The following TOGARAM2 variants were observed in gnomAD, a reference collection of about 807,000 sequenced individuals.
TOGARAM2 encodes the protein TOG array regulator of axonemal microtubules 2, also known as TOG array regulator of axonemal microtubules protein 2.
In TOGARAM2, 85 loss-of-function variants were observed where a neutral mutation model predicts 93.3. The ratio of observed to expected loss-of-function variants is 0.91; its 90% confidence interval spans 0.76 to 1.09. The LOEUF (loss-of-function observed/expected upper bound fraction) is 1.09, where lower values mean the gene tolerates loss of function less well. Ranked by LOEUF, TOGARAM2 falls within the 50% of genes least tolerant of loss-of-function variation. TOGARAM2 has a pLI of 0.00. For missense variants in TOGARAM2, 1,277 were observed against 1,334.5 expected (o/e 0.96, Z 0.67); for synonymous variants, 593 against 552.8 (o/e 1.07, Z -1.02).
chr2:28,959,915 C>T (rs35244094), intron 1 of TOGARAM2, among the ~76,000 whole-genome samples: 22,564 of 152,114 alleles, frequency 0.15, 2,145 homozygotes, highest in Middle Eastern at 0.23. Context: ...TAAACCTGGG[C>T]GGCACAGCCC....
intron 10 of TOGARAM2, 41 bp downstream of exon 10, chr2:29,017,997 C>T (rs375709159): frequency 2.0e-6 from 3 of 1,535,818 alleles, no homozygotes; most frequent in East Asian, 2.4e-5. Flanking sequence ...TCCCTCTGCC[C>T]ATGCTGCCTC....
intron 1 of TOGARAM2, among the ~76,000 whole-genome samples, chr2:28,985,193 G>A (rs1672409943): frequency 6.6e-6 from 1 of 152,142 alleles, no homozygotes. Flanking sequence ...CAGAGAGCTT[G>A]CTCTCTGTCT....
At chr2:28,995,184 G>C (rs912473153) in intron 2 of TOGARAM2, among the ~76,000 whole-genome samples, 1 of 152,224 alleles carries the variant, frequency 6.6e-6, no homozygotes, top group Non-Finnish European at 1.5e-5. Flanking sequence ...GGATGGGCAG[G>C]GGATATGGGC....
chr2:29,033,076 C>A, intron 15 of TOGARAM2, 25 bp downstream of exon 15: 1 of 1,595,592 alleles, frequency 6.3e-7, no homozygotes. Flanking sequence ...ATAAGTGGGT[C>A]ATGGCCTTTT....
At chr2:28,962,776 C>A (rs1671818968) in intron 1 of TOGARAM2, among the ~76,000 whole-genome samples, 1 of 125,708 alleles carries the variant, frequency 8.0e-6, no homozygotes, top group Non-Finnish European at 1.7e-5. Flanking sequence ...CCCTCCCCTC[C>A]CCTTCCCTCC....
intron 1 of TOGARAM2, among the ~76,000 whole-genome samples, chr2:28,970,045 T>G: frequency 6.6e-6 from 1 of 152,160 alleles, no homozygotes; most frequent in African/African-American, 2.4e-5. Flanking sequence ...ACTCTTGACC[T>G]CGTGATCCGC....
At chr2:29,027,645 G>A (rs1665490998) in intron 14 of TOGARAM2, among the ~76,000 whole-genome samples, 2 of 151,814 alleles carry the variant, frequency 1.3e-5, no homozygotes, top group African/African-American at 4.8e-5. Flanking sequence ...TGTAGTCCCA[G>A]CTACTGAGGG....
intron 18 of TOGARAM2, among the ~76,000 whole-genome samples, chr2:29,042,439 G>A (rs779509581): frequency 6.2e-4 from 95 of 152,204 alleles, no homozygotes; most frequent in Non-Finnish European, 1.0e-3. Context: ...GGCCAGAGGC[G>A]GGAGCCCCTG....
chr2:28,979,859 G>A (rs183267617), upstream of TOGARAM2, among the ~76,000 whole-genome samples: 7 of 152,290 alleles, frequency 4.6e-5, no homozygotes, highest in East Asian at 1.2e-3. Flanking sequence ...CTCAAGCAGC[G>A]ACATGCAGAT....
At position 29,017,249 on chromosome 2, in the gene TOGARAM2, A is replaced by G. The variant is rs1331469089; in HGVS notation, c.1140A>G (p.Thr380=). Residue 380 remains threonine (T), a synonymous_variant, in exon 9 of 20, where the codon ACA becomes ACG. Transcript: ENST00000379558. The part of the protein sequence containing the change: ...ELLRRLEEPR[T]GQELTSQCLG... ...TTCGGAGGCTGGAGGAGCCCAGGAC[A>G]GGGCAGGAGCTCACTTCCCAGTGCC... is the stretch of plus-strand genomic sequence containing the variant. The G allele has an allele frequency of 1.2e-6, 2 of 1,613,836 alleles. No individual in the cohort carries two copies. The highest frequency in any genetic ancestry group is 2.2e-5 in the South Asian group (2 of 91,066).
At chr2:28,996,407 C>G (rs890985206) in intron 2 of TOGARAM2, among the ~76,000 whole-genome samples, 146 of 152,308 alleles carry the variant, frequency 9.6e-4, no homozygotes, top group African/African-American at 3.5e-3. Context: ...CCCTTCTCTT[C>G]CCAGTCTCTG....
chr2:29,050,378 A>G (rs1341693796), intron 19 of TOGARAM2: 1 of 152,150 alleles, frequency 6.6e-6, no homozygotes, highest in Non-Finnish European at 1.5e-5. Flanking sequence ...TAAAACAAAA[A>G]ATAAAGCTCC....
intron 4 of TOGARAM2, among the ~76,000 whole-genome samples, chr2:29,001,627 G>A (rs1572667796): frequency 6.6e-6 from 1 of 151,832 alleles, no homozygotes; most frequent in Non-Finnish European, 1.5e-5. Flanking sequence ...CAGCCTCCCC[G>A]GTAGCTGGGA....
At chr2:29,007,692 G>A (rs1663967558) in intron 6 of TOGARAM2, among the ~76,000 whole-genome samples, 1 of 152,018 alleles carries the variant, frequency 6.6e-6, no homozygotes, top group Non-Finnish European at 1.5e-5. Context: ...TGAATGGCGG[G>A]TCCTTTGTGT....
chr2:29,014,505 G>A lies in TOGARAM2; in HGVS notation c.988G>A (p.Ala330Thr), dbSNP rs781127093. Reference protein sequence around the residue: ...PTLTAFSFDCAREACPPLKEE... With the variant: ...PTLTAFSFDCTREACPPLKEE... The stretch of plus-strand genomic sequence containing the variant: ...GCTGACAGCCTTCTCCTTTGACTGT[G>A]CCAGAGAAGCCTGCCCTCCGCTGAA... The change falls in exon 8 of 20, where the codon GCC (alanine) becomes ACC (threonine). Residue 330 changes from alanine (A) to threonine (T), a missense_variant. Ala to Thr is a moderately conservative substitution (Grantham distance 58, BLOSUM62 0). Coordinates refer to ENST00000379558, the MANE Select transcript of TOGARAM2 (RefSeq NM_199280.4). 9.5e-6 allele frequency: 15 copies of A among 1,580,322 alleles called. No homozygotes were observed. The highest frequency in any genetic ancestry group is 1.3e-5 in the African/African-American group (1 of 74,080).
At chr2:28,961,395 G>A (rs986912164) in intron 1 of TOGARAM2, among the ~76,000 whole-genome samples, 1 of 152,144 alleles carries the variant, frequency 6.6e-6, no homozygotes, top group African/African-American at 2.4e-5. Flanking sequence ...AGGCTGGAGT[G>A]TAGTAACGCA....
At chr2:28,976,193 A>T (rs1422082817) in intron 1 of TOGARAM2, among the ~76,000 whole-genome samples, 1 of 152,068 alleles carries the variant, frequency 6.6e-6, no homozygotes, top group African/African-American at 2.4e-5. Context: ...ACATGGTGAA[A>T]CCCCGTCTCT....
intron 6 of TOGARAM2, among the ~76,000 whole-genome samples, chr2:29,004,961 T>C (rs62649846): frequency 0.69 from 65,707 of 94,584 alleles, 23,891 homozygotes; most frequent in Non-Finnish European, 0.81. Context: ...TGCATGTGTA[T>C]GTGTGTGAGT....
upstream of TOGARAM2, among the ~76,000 whole-genome samples, chr2:28,979,951 T>C (rs2148231567): frequency 6.6e-6 from 1 of 152,326 alleles, no homozygotes; most frequent in East Asian, 1.9e-4. Flanking sequence ...GTCCCCGCCC[T>C]GGGTTCCCAT....
Sources: gnomAD v4.1 joint callset for allele counts (sites outside exome capture counted in the v4.1 genomes callset) on GRCh38, gnomAD v4.1.1 for gene constraint, MANE v1.5 for transcripts, NCBI Gene and HGNC (gene_info 2026-07-23, HGNC 2026-07-21) for gene names.